TBX15: variants seen among roughly 807,000 people sequenced by gnomAD.
TBX15 encodes the protein T-box transcription factor 15, also known as T-box transcription factor TBX15.
In TBX15, 18 loss-of-function variants were observed where a neutral mutation model predicts 53.9. The observed-to-expected ratio is 0.33, with a 90% CI of 0.23 to 0.49. TBX15 has a LOEUF of 0.49. Ranked by LOEUF, TBX15 falls within the 20% of genes least tolerant of loss-of-function variation. The probability of loss-of-function intolerance (pLI) is 0.98; values close to 1 mark genes in which losing one functional copy is unlikely to be tolerated. For synonymous variants in TBX15, 295 were observed against 278.0 expected, an observed-to-expected ratio of 1.06 and a Z score of -0.61; for missense variants, 692 against 749.5, an observed-to-expected ratio of 0.92 and a Z score of 0.90.
chr1:118,930,925 G>A (rs1655762307), intron 2 of TBX15, among the ~76,000 whole-genome samples: 1 of 152,152 alleles, frequency 6.6e-6, no homozygotes. Context: ...GGATGATTAT[G>A]TCCAACCTCA....
intron 5 of TBX15, among the ~76,000 whole-genome samples, chr1:118,920,930 T>C (rs4659127): frequency 0.64 from 96,901 of 151,976 alleles, 31,226 homozygotes; most frequent in East Asian, 0.77. Context: ...ACCCCAACAC[T>C]TTGGGAGGCC....
chr1:118,892,334 A>G (rs1239647958), intron 7 of TBX15, among the ~76,000 whole-genome samples: 1 of 152,232 alleles, frequency 6.6e-6, no homozygotes, highest in Non-Finnish European at 1.5e-5. Flanking sequence ...TAAGGAAGAT[A>G]ATGTACAGAA....
chr1:118,923,797 A>G (rs559216526), intron 4 of TBX15, among the ~76,000 whole-genome samples, 194 bp from the exon 5 acceptor site: 2 of 152,360 alleles, frequency 1.3e-5, no homozygotes, highest in East Asian at 3.9e-4. Flanking sequence ...GGAACCAAAT[A>G]GCAGGACATC....
In TBX15 at chr1:118,987,910, C is replaced by A; in HGVS notation, c.-115G>T. 7.5e-7 allele frequency: 1 copy of A among 1,336,906 alleles called. No homozygotes were observed. The highest frequency in any genetic ancestry group is 1.0e-6 in the Non-Finnish European group (1 of 983,012). 82.8% of individuals were successfully genotyped at this position (1,336,906 alleles called of 1,614,324 possible). On this transcript the variant is annotated 5_prime_UTR_variant, in exon 1 of 8. Transcript: ENST00000369429. ...CCGGGAGAGGCGGAGGCGCGTCGGA[C>A]GAGGCTGAGACTGCGGCTCGCGGGT...
intron 2 of TBX15, 127 bp from the exon 3 acceptor site, chr1:118,926,738 C>T (rs573224306): frequency 6.3e-6 from 5 of 794,814 alleles, no homozygotes; most frequent in East Asian, 5.7e-5. Flanking sequence ...TGGAGTCTCG[C>T]TCTGTCACCC....
At chr1:118,981,906 C>G (rs1283637765) in intron 1 of TBX15, among the ~76,000 whole-genome samples, 1 of 152,098 alleles carries the variant, frequency 6.6e-6, no homozygotes, top group African/African-American at 2.4e-5. Flanking sequence ...CCAGGAAAAG[C>G]AAAGCAAAAA....
At chr1:118,964,364 C>T (rs753632689) in intron 1 of TBX15, among the ~76,000 whole-genome samples, 1 of 152,166 alleles carries the variant, frequency 6.6e-6, no homozygotes, top group Non-Finnish European at 1.5e-5. Context: ...TAGTTACTGA[C>T]ATTAATAGAT....
chr1:118,947,969 A>G (rs1192308939), intron 1 of TBX15, among the ~76,000 whole-genome samples: 2 of 152,144 alleles, frequency 1.3e-5, no homozygotes, highest in Non-Finnish European at 2.9e-5. Context: ...TTGTTCCATG[A>G]TCTGTGATTC....
chr1:118,951,450 G>A (rs1656508205), intron 1 of TBX15, among the ~76,000 whole-genome samples: 1 of 152,184 alleles, frequency 6.6e-6, no homozygotes, highest in East Asian at 1.9e-4. Flanking sequence ...GGGGTTTTGA[G>A]TAACAATAAT....
intron 6 of TBX15, among the ~76,000 whole-genome samples, chr1:118,906,577 A>G (rs139958378): frequency 3.3e-5 from 5 of 152,258 alleles, no homozygotes; most frequent in African/African-American, 9.6e-5. Context: ...TGGCCATGGG[A>G]CAGCAGCTGC....
intron 1 of TBX15, among the ~76,000 whole-genome samples, chr1:118,961,654 G>A (rs1656876281): frequency 1.3e-5 from 2 of 152,186 alleles, no homozygotes; most frequent in African/African-American, 4.8e-5. Context: ...GGGAAGAAAA[G>A]TGATTTGCTC....
rs554616075 is a variant in TBX15 at position 118,883,764 on chromosome 1, C to T, written c.*968G>A. The stretch of plus-strand genomic sequence containing the variant: ...TTGCTCTGTCCCTCTGACCAATGCC[C>T]TGACCATGCTCAGTGTGCCAGAGAG... On this transcript the variant is annotated 3_prime_UTR_variant, in exon 8 of 8. Transcript: ENST00000369429. 1 of 151,368 alleles carries T rather than the reference C, an allele frequency of 6.6e-6. No homozygotes were observed. Among genetic ancestry groups the T allele is most frequent in the East Asian group, 2.0e-4 (1 of 5,050 alleles). The allele number at this position is 151,368 out of a possible 1,614,324, so 9.4% of individuals were successfully genotyped here. A position where few individuals can be genotyped will look rare whatever the true frequency, so the allele number is the denominator to read the frequency against.
intron 1 of TBX15, among the ~76,000 whole-genome samples, chr1:118,941,317 C>T (rs888192293): frequency 1.2e-4 from 18 of 152,138 alleles, no homozygotes; most frequent in African/African-American, 3.4e-4. Flanking sequence ...CATGATGACG[C>T]ACTAAAGGGG....
chr1:118,926,287 G>A (rs1302771444), intron 3 of TBX15, among the ~76,000 whole-genome samples: 1 of 152,080 alleles, frequency 6.6e-6, no homozygotes, highest in African/African-American at 2.4e-5. Flanking sequence ...TGCTACCTTA[G>A]GAGACACTAT....
intron 1 of TBX15, among the ~76,000 whole-genome samples, chr1:118,937,244 T>C (rs1656000541): frequency 6.6e-6 from 1 of 152,062 alleles, no homozygotes; most frequent in South Asian, 2.1e-4. Flanking sequence ...AGAGTTTAGA[T>C]TATGTAAAGG....
At chr1:118,964,669 G>A (rs1005752384) in intron 1 of TBX15, among the ~76,000 whole-genome samples, 1 of 152,104 alleles carries the variant, frequency 6.6e-6, no homozygotes, top group African/African-American at 2.4e-5. Context: ...TCACTGAATG[G>A]GCTATTTGTC....
rs200424878 is a variant in TBX15, at chr1:118,899,082, G to T, written c.970C>A (p.Pro324Thr). The change falls in exon 7 of 8, where the codon CCT becomes ACT. Residue 324 changes from proline to threonine, a missense_variant. Pro to Thr is a conservative substitution (Grantham distance 38, BLOSUM62 -1). This residue lies in a region of TBX15 where 375 missense variants were observed against 371.6 expected (regional missense o/e 1.01). Transcript: ENST00000369429. The part of the protein sequence containing the change: ...AIMETYAFWR[P>T]PVRTLTFEDF... Reference sequence around the variant, plus strand: ...TCGAAGGTGAGTGTGCGCACAGGAGGTCTCCAGAATGCATATGTCTCCATG... The same window carrying T: ...TCGAAGGTGAGTGTGCGCACAGGAGTTCTCCAGAATGCATATGTCTCCATG... 2.5e-6 allele frequency: 4 copies of T among 1,613,634 alleles called. No homozygotes were observed. Among genetic ancestry groups the T allele is most frequent in the African/African-American group, 2.7e-5 (2 of 75,004 alleles).
At position 118,917,890 on chromosome 1, in the gene TBX15, G is replaced by A. The variant is rs1348271586; in HGVS notation, c.862-3711C>T. 2.0e-5 allele frequency among the ~76,000 whole-genome samples: 3 copies of A among 152,254 alleles called. No homozygotes were observed. The East Asian group carries it at 5.8e-4, about 29-fold the overall frequency. On this transcript the variant is annotated intron_variant, in intron 5 of 7. Coordinates refer to ENST00000369429, the MANE Select transcript of TBX15 (RefSeq NM_001330677.2). ...AGCCAGCAGGCCCTTACTCTGGCCT[G>A]CCTCTCCAACCCATTCACACTCCCT...
At chr1:118,889,050 G>A (rs534338141) in intron 7 of TBX15, among the ~76,000 whole-genome samples, 2 of 152,322 alleles carry the variant, frequency 1.3e-5, no homozygotes, top group Admixed American at 1.3e-4. Context: ...AATGAGACTT[G>A]GTGGCCTGCT....
Sources: allele counts gnomAD v4.1 joint callset (sites outside exome capture counted in the v4.1 genomes callset), GRCh38; gene constraint gnomAD v4.1.1; regional missense constraint gnomAD v4.1.1; transcripts MANE v1.5; gene names NCBI Gene and HGNC (gene_info 2026-07-23, HGNC 2026-07-21).